The following HUWE1 variants were observed in gnomAD, a reference collection of about 807,000 sequenced individuals.
HUWE1 encodes the protein HECT, UBA and WWE domain containing E3 ubiquitin protein ligase 1, also known as E3 ubiquitin-protein ligase HUWE1.
Under a neutral mutation model 299.4 loss-of-function variants are expected in HUWE1, and 18 were observed. The ratio of observed to expected loss-of-function variants is 0.06; its 90% CI spans 0.04 to 0.09. The LOEUF (loss-of-function observed/expected upper bound fraction) is 0.09, where lower values mean the gene tolerates loss of function less well. Among genes scored for constraint, HUWE1 ranks in the 10% least tolerant of loss-of-function variants. The probability of loss-of-function intolerance (pLI) is 1.00; values close to 1 mark genes in which losing one functional copy is unlikely to be tolerated. For synonymous variants in HUWE1, 1,317 were observed against 1,286.1 expected (o/e 1.02, Z -0.51); for missense variants, 1,832 against 3,462.3 (o/e 0.53, Z 11.82).
intron 12 of HUWE1, among the ~76,000 whole-genome samples, chrX:53,630,088 T>A (rs2066771042): frequency 8.9e-6 from 1 of 112,158 alleles, no homozygotes; most frequent in African/African-American, 3.2e-5. Context: ...ATTCAATGAA[T>A]TCCACGATGA....
At chrX:53,602,452 G>A (rs782806594) in intron 28 of HUWE1, 112 bp downstream of exon 28, 55 of 456,456 alleles carry the variant, frequency 1.2e-4, no homozygotes, top group African/African-American at 1.1e-3. Flanking sequence ...GTGAGAGGAT[G>A]AAAACTAGAC....
chrX:53,673,784 T>C (rs1485441432), intron 3 of HUWE1, among the ~76,000 whole-genome samples: 1 of 111,258 alleles, frequency 9.0e-6, no homozygotes, highest in Non-Finnish European at 1.9e-5. Context: ...AATTCTGGAG[T>C]GGGGGTAGGG....
chrX:53,534,896 G>T (rs781931880), intron 81 of HUWE1, among the ~76,000 whole-genome samples, 199 bp from the exon 82 acceptor site: 1 of 109,676 alleles, frequency 9.1e-6, no homozygotes, highest in African/African-American at 3.3e-5. Context: ...AAAGTGCTAG[G>T]ATTACAAATG....
intron 25 of HUWE1, among the ~76,000 whole-genome samples, chrX:53,605,061 A>G (rs1478663577): frequency 8.9e-6 from 1 of 112,057 alleles, no homozygotes; most frequent in Non-Finnish European, 1.9e-5. Flanking sequence ...TGGTGAGCCA[A>G]TAACACTTAA....
intron 15 of HUWE1, 27 bp from the exon 16 acceptor site, chrX:53,627,906 C>A (rs1358237371): frequency 6.7e-6 from 8 of 1,191,681 alleles, no homozygotes; most frequent in Non-Finnish European, 9.1e-6. Flanking sequence ...GAGGCAAAAA[C>A]AATGAACTAT....
intron 43 of HUWE1, chrX:53,579,906 C>CA (rs1432778607): frequency 2.1e-5 from 2 of 94,225 alleles, no homozygotes; most frequent in African/African-American, 3.9e-5. Context: ...ATGACCCTGC[C>CA]AAATCCCCCT....
intron 74 of HUWE1, among the ~76,000 whole-genome samples, chrX:53,541,547 T>C (rs894438220): frequency 6.3e-5 from 7 of 111,013 alleles, no homozygotes; most frequent in Admixed American, 1.9e-4. Context: ...TGAGCCGAGA[T>C]TGCACCACTG....
chrX:53,544,172 G>A (rs1045698838), intron 72 of HUWE1, among the ~76,000 whole-genome samples: 7 of 112,354 alleles, frequency 6.2e-5, no homozygotes, highest in South Asian at 3.7e-4. Context: ...CTAGACAGAC[G>A]GATGGTTTTG....
chrX:53,665,491 G>C (rs1453918599), intron 3 of HUWE1, among the ~76,000 whole-genome samples: 3 of 111,672 alleles, frequency 2.7e-5, no homozygotes, highest in African/African-American at 9.8e-5. Flanking sequence ...CTCCAATGTT[G>C]ACTTTGAACG....
intron 19 of HUWE1, among the ~76,000 whole-genome samples, chrX:53,618,642 G>A (rs1454705889): frequency 9.5e-6 from 1 of 105,361 alleles, no homozygotes; most frequent in Non-Finnish European, 1.9e-5. Flanking sequence ...TCGGCTCACT[G>A]CAGCCTCCAC....
At chrX:53,606,449 A>G (rs1215194618) in intron 25 of HUWE1, among the ~76,000 whole-genome samples, 2 of 112,238 alleles carry the variant, frequency 1.8e-5, no homozygotes, top group African/African-American at 6.5e-5. Flanking sequence ...TTATCAAAAA[A>G]CAGAAAATAA....
chrX:53,635,927 C>T lies in HUWE1; in HGVS notation c.505-1629G>A, dbSNP rs186266195. 2.7e-5 allele frequency among the ~76,000 whole-genome samples: 3 copies of T among 112,486 alleles called. No homozygotes were observed. In the East Asian group the frequency reaches 8.3e-4, roughly 31 times the overall value. ...AATAAATGAATAAATAAAACATCATCTGACTATCCTGTGAGAAATAAGCTT... is the reference window on the plus strand; with the variant it reads ...AATAAATGAATAAATAAAACATCATTTGACTATCCTGTGAGAAATAAGCTT... On this transcript the variant is annotated intron_variant, in intron 7 of 83. Transcript: ENST00000262854.
intron 58 of HUWE1, 42 bp from the exon 59 acceptor site, chrX:53,558,851 T>TCA (rs782746811): frequency 1.7e-6 from 2 of 1,203,399 alleles, no homozygotes; most frequent in South Asian, 3.5e-5. Flanking sequence ...TCTGGTGGGG[T>TCA]CAGGGAGGAA....
intron 72 of HUWE1, 36 bp from the exon 73 acceptor site, chrX:53,544,004 A>T: frequency 9.0e-7 from 1 of 1,110,058 alleles, no homozygotes; most frequent in East Asian, 3.1e-5. Context: ...AAGATATAAA[A>T]TATAGGAAGA....
At chrX:53,557,493 T>C (rs1277042793) in intron 59 of HUWE1, 66 bp from the exon 60 acceptor site, 4 of 884,312 alleles carry the variant, frequency 4.5e-6, no homozygotes, top group African/African-American at 3.9e-5. Flanking sequence ...TCAACTGTAA[T>C]AGTCACCATC....
chrX:53,579,120 G>A (rs1424455164), intron 43 of HUWE1, among the ~76,000 whole-genome samples: 3 of 82,282 alleles, frequency 3.6e-5, no homozygotes, highest in Non-Finnish European at 7.2e-5. Context: ...GGAGGTGAGG[G>A]GCGCCTCTGC....
chrX:53,578,632 G>A (rs781992738), intron 43 of HUWE1, among the ~76,000 whole-genome samples: 6,537 of 91,975 alleles, frequency 0.071, 310 homozygotes, highest in Non-Finnish European at 0.11. Flanking sequence ...GGGAGGTGGG[G>A]GAGTCAGCCC....
Position 53,538,496 on chromosome X carries a change from C to T in HUWE1, c.11879-42G>A, listed in dbSNP as rs372294614. On this transcript the variant is annotated intron_variant, in intron 76 of 83. Transcript: ENST00000262854. ...CAGCAGGAATTAAGCACATCATCTGCCCCAGAAGCTGTAAGACAGCCAACC... is the reference window on the plus strand; with the variant it reads ...CAGCAGGAATTAAGCACATCATCTGTCCCAGAAGCTGTAAGACAGCCAACC... 16 of 927,779 alleles carry T rather than the reference C, an allele frequency of 1.7e-5. No homozygotes were observed. The African/African-American group carries it at 2.7e-4, about 16-fold the overall frequency. The allele number at this position is 927,779 out of a possible 1,213,427, so 76.5% of individuals were successfully genotyped here.
intron 32 of HUWE1, 138 bp from the exon 33 acceptor site, chrX:53,592,766 A>G: frequency 2.0e-6 from 1 of 512,743 alleles, no homozygotes; most frequent in Non-Finnish European, 3.4e-6. Flanking sequence ...GAGGAGGTCT[A>G]AGGAGGCACA....
Sources: gnomAD v4.1 joint callset for allele counts (sites outside exome capture counted in the v4.1 genomes callset) on GRCh38, gnomAD v4.1.1 for gene constraint, MANE v1.5 for transcripts, NCBI Gene and HGNC (gene_info 2026-07-23, HGNC 2026-07-21) for gene names.